NALF1: variants seen among roughly 807,000 people sequenced by gnomAD.
The protein encoded by NALF1 is NALCN channel auxiliary factor 1.
A neutral mutation model predicts 48.4 loss-of-function variants in NALF1; 3 were observed. The observed-to-expected ratio is 0.06, with a 90% CI of 0.03 to 0.16. NALF1 has a LOEUF of 0.16. Among genes scored for constraint, NALF1 ranks in the 10% least tolerant of loss-of-function variants. NALF1 has a pLI of 1.00. For synonymous variants in NALF1, 262 were observed against 245.7 expected, an observed-to-expected ratio of 1.07 and a Z score of -0.62; for missense variants, 526 against 571.5, an observed-to-expected ratio of 0.92 and a Z score of 0.81.
At chr13:107,510,058 TTGGGCCTCCGAAAGGGC>T (rs1875835005) in intron 1 of NALF1, among the ~76,000 whole-genome samples, 1 of 152,094 alleles carries the variant, frequency 6.6e-6, no homozygotes, top group Non-Finnish European at 1.5e-5. Context: ...ATCCACCCAC[TTGGGCCTCCGAAAGGGC>T]TGGGATTACA....
At chr13:107,427,955 T>C (rs866755166) in intron 1 of NALF1, among the ~76,000 whole-genome samples, 1 of 152,238 alleles carries the variant, frequency 6.6e-6, no homozygotes, top group Non-Finnish European at 1.5e-5. Flanking sequence ...TAGGGCCTAT[T>C]GCACAAAGAA....
chr13:107,833,052 C>T (rs577575367), intron 1 of NALF1, among the ~76,000 whole-genome samples: 2 of 152,190 alleles, frequency 1.3e-5, no homozygotes, highest in African/African-American at 2.4e-5. Context: ...TGGTGCTCCA[C>T]GCACATGCCC....
chr13:107,632,486 C>T (rs1342411723), intron 1 of NALF1, among the ~76,000 whole-genome samples: 1 of 152,048 alleles, frequency 6.6e-6, no homozygotes, highest in Admixed American at 6.6e-5. Flanking sequence ...CCTAATAACA[C>T]TCCCAACCTC....
chr13:107,264,396 G>A (rs1881000019), intron 1 of NALF1, among the ~76,000 whole-genome samples: 1 of 152,160 alleles, frequency 6.6e-6, no homozygotes, highest in South Asian at 2.1e-4. Context: ...GGGAATATGG[G>A]TTGTTTTGTT....
intron 2 of NALF1, among the ~76,000 whole-genome samples, chr13:107,198,186 G>A (rs976269067): frequency 2.0e-5 from 3 of 152,174 alleles, no homozygotes; most frequent in African/African-American, 4.8e-5. Flanking sequence ...ACTACAGAGA[G>A]TGGCTTGATT....
intron 1 of NALF1, among the ~76,000 whole-genome samples, chr13:107,246,770 GT>G (rs955981393): frequency 6.6e-6 from 1 of 152,074 alleles, no homozygotes; most frequent in Non-Finnish European, 1.5e-5. Context: ...ATTGAGGATT[GT>G]TTTTTATGAT....
At chr13:107,784,710 C>T (rs1344208911) in intron 1 of NALF1, among the ~76,000 whole-genome samples, 4 of 152,092 alleles carry the variant, frequency 2.6e-5, no homozygotes, top group African/African-American at 9.7e-5. Context: ...TACCACCTTT[C>T]TCCTGCAAGA....
intron 1 of NALF1, among the ~76,000 whole-genome samples, chr13:107,700,932 T>C (rs1277095587): frequency 1.3e-5 from 2 of 152,054 alleles, no homozygotes; most frequent in East Asian, 3.8e-4. Flanking sequence ...TTAAAACTTC[T>C]ATATCACCTT....
chr13:107,226,768 T>C (rs184287673), intron 1 of NALF1, among the ~76,000 whole-genome samples: 3 of 152,304 alleles, frequency 2.0e-5, no homozygotes, highest in East Asian at 1.9e-4. Context: ...AGGTCTTACA[T>C]GTAGTAACTC....
intron 1 of NALF1, among the ~76,000 whole-genome samples, chr13:107,569,317 A>G (rs1877910177): frequency 6.6e-6 from 1 of 151,894 alleles, no homozygotes. Flanking sequence ...AAAAAAATAC[A>G]AAAAGTTAGC....
At chr13:107,545,179 T>C (rs994685107) in intron 1 of NALF1, among the ~76,000 whole-genome samples, 4 of 152,050 alleles carry the variant, frequency 2.6e-5, no homozygotes, top group African/African-American at 9.7e-5. Context: ...TCACATAAGA[T>C]GAAGAAACAT....
chr13:107,194,568 C>T (rs547454251), intron 2 of NALF1, among the ~76,000 whole-genome samples: 1 of 152,114 alleles, frequency 6.6e-6, no homozygotes, highest in Non-Finnish European at 1.5e-5. Context: ...ATACAAAAAT[C>T]AACTCAAGAT....
chr13:107,780,871 T>C (rs1375965589), intron 1 of NALF1, among the ~76,000 whole-genome samples: 2 of 152,222 alleles, frequency 1.3e-5, no homozygotes, highest in Non-Finnish European at 2.9e-5. Context: ...AATCTTTTTG[T>C]AGTGCCTTTA....
intron 1 of NALF1, among the ~76,000 whole-genome samples, chr13:107,641,770 G>C (rs944132719): frequency 6.6e-6 from 1 of 152,150 alleles, no homozygotes; most frequent in African/African-American, 2.4e-5. Flanking sequence ...ACCGTGGCTG[G>C]GGGCCAACTC....
chr13:107,469,180 T>C (rs937039397), intron 1 of NALF1, among the ~76,000 whole-genome samples: 1 of 152,220 alleles, frequency 6.6e-6, no homozygotes, highest in Non-Finnish European at 1.5e-5. Context: ...AAATTTCTCC[T>C]ATTCAACAAG....
At chr13:107,732,785 C>T (rs1876349210) in intron 1 of NALF1, among the ~76,000 whole-genome samples, 1 of 152,110 alleles carries the variant, frequency 6.6e-6, no homozygotes, top group African/African-American at 2.4e-5. Flanking sequence ...TAACATAAAC[C>T]TATTGCAAAG....
In NALF1 at chr13:107,866,677, G is replaced by A. The variant is rs1019741036; in HGVS notation, c.-81C>T. On this transcript the variant is annotated 5_prime_UTR_variant, in exon 1 of 3. Transcript: ENST00000375915. This position sits in a 1 kb window ranked among gnomAD's most constrained non-coding sequence, Gnocchi z 4.4. ...TCACCACAATATGCATTGACTTAAA[G>A]GGTTTAATTTCCTTATCCCCTCCTC... The A allele has an allele frequency of 2.5e-6, 3 of 1,201,408 alleles. No individual in the cohort carries two copies. Among genetic ancestry groups the A allele is most frequent in the South Asian group, 1.4e-5 (1 of 70,278 alleles). 74.4% of individuals were successfully genotyped at this position (1,201,408 alleles called of 1,614,324 possible).
intron 1 of NALF1, among the ~76,000 whole-genome samples, chr13:107,247,294 A>T (rs2138840764): frequency 6.6e-6 from 1 of 152,200 alleles, no homozygotes; most frequent in East Asian, 1.9e-4. Flanking sequence ...AAATCCATTT[A>T]TTTTAAAAAT....
intron 1 of NALF1, among the ~76,000 whole-genome samples, chr13:107,258,141 A>G (rs1880857907): frequency 6.6e-6 from 1 of 152,190 alleles, no homozygotes; most frequent in Non-Finnish European, 1.5e-5. Flanking sequence ...ATGGCAAAAG[A>G]CCGCAAAGCA....
Sources: gnomAD v4.1 joint callset for allele counts (sites outside exome capture counted in the v4.1 genomes callset) on GRCh38, gnomAD v4.1.1 for gene constraint, Gnocchi (gnomAD v3.1) non-coding constraint, MANE v1.5 for transcripts, NCBI Gene and HGNC (gene_info 2026-07-23, HGNC 2026-07-21) for gene names.